AADACL4: variants seen among roughly 807,000 people sequenced by gnomAD.
AADACL4 encodes arylacetamide deacetylase-like 4.
AADACL4 carries 9 observed loss-of-function variants against 14.1 expected under a neutral mutation model. The ratio of observed to expected loss-of-function variants is 0.64; its 90% confidence interval spans 0.39 to 1.12. AADACL4 has a LOEUF of 1.12. AADACL4 is among the 50% of genes most tolerant of loss of function. The pLI, the probability that AADACL4 is intolerant of heterozygous loss-of-function variation, is 0.01. For synonymous variants in AADACL4, 188 were observed against 201.6 expected, an observed-to-expected ratio of 0.93 and a Z score of 0.57; for missense variants, 531 against 516.1, an observed-to-expected ratio of 1.03 and a Z score of -0.28.
chr1:12,646,915 C>A, intron 1 of AADACL4, among the ~76,000 whole-genome samples: 1 of 152,004 alleles, frequency 6.6e-6, no homozygotes, highest in East Asian at 1.9e-4. Flanking sequence ...GACAGATAGA[C>A]AACACAGGAA....
At chr1:12,659,147 A>G (rs901010496) in intron 2 of AADACL4, among the ~76,000 whole-genome samples, 3 of 152,178 alleles carry the variant, frequency 2.0e-5, no homozygotes, top group African/African-American at 7.2e-5. Flanking sequence ...CCCCGAGATT[A>G]GGATGTACTG....
chr1:12,646,355 GA>G, intron 1 of AADACL4, among the ~76,000 whole-genome samples: 1 of 152,332 alleles, frequency 6.6e-6, no homozygotes, highest in South Asian at 2.1e-4. Flanking sequence ...GATGTTTAGT[GA>G]ATTCGTAAAA....
chr1:12,657,553 G>C (rs1190231571), intron 2 of AADACL4, among the ~76,000 whole-genome samples: 4 of 152,196 alleles, frequency 2.6e-5, no homozygotes, highest in Non-Finnish European at 5.9e-5. Flanking sequence ...AAAGTACGGA[G>C]ATTTATTGCA....
intron 2 of AADACL4, among the ~76,000 whole-genome samples, chr1:12,657,372 T>G (rs1399066194): frequency 6.6e-6 from 1 of 152,028 alleles, no homozygotes; most frequent in African/African-American, 2.4e-5. Flanking sequence ...ACTTACCAAT[T>G]GCCAGTGGTT....
chr1:12,653,980 T>TG (rs1647165893), intron 2 of AADACL4, among the ~76,000 whole-genome samples: 1 of 152,124 alleles, frequency 6.6e-6, no homozygotes, highest in African/African-American at 2.4e-5. Flanking sequence ...TGCCAAGGGA[T>TG]TTACAAACAT....
At chr1:12,655,408 C>T (rs61777488) in intron 2 of AADACL4, among the ~76,000 whole-genome samples, 6 of 152,128 alleles carry the variant, frequency 3.9e-5, no homozygotes, top group African/African-American at 1.4e-4. Flanking sequence ...CAGGCCTCTT[C>T]AGTTCTCAGT....
chr1:12,650,561 T>C (rs1647138303), intron 1 of AADACL4, among the ~76,000 whole-genome samples: 3 of 148,828 alleles, frequency 2.0e-5, no homozygotes, highest in Non-Finnish European at 4.5e-5. Context: ...CGAGATGGAG[T>C]CTCTCTCTGT....
At chr1:12,665,905 G>C in intron 3 of AADACL4, 56 bp from the exon 4 acceptor site, 1 of 1,513,658 alleles carries the variant, frequency 6.6e-7, no homozygotes, top group Non-Finnish European at 8.9e-7. Flanking sequence ...TGTTGAAACA[G>C]CTCCCTAGCA....
Position 12,666,166 on chromosome 1 carries a change from G to T in AADACL4, c.655G>T (p.Val219Phe). 6.2e-7 allele frequency: 1 copy of T among 1,614,240 alleles called. No homozygotes were observed. Among genetic ancestry groups the T allele is most frequent in the Non-Finnish European group, 8.5e-7 (1 of 1,180,052 alleles). ...AGATCTTCCCCGGATCCGGGCTCAG[G>T]TTCTGATTTATCCAGTTGTCCAGGC... ...RSDLPRIRAQ[V>F]LIYPVVQAFC... is the part of the protein sequence containing the mutation. Residue 219 changes from valine (V) to phenylalanine (F), a missense_variant, in exon 4 of 4, where the codon GTT (valine) becomes TTT (phenylalanine). By Grantham distance (50) the Val-to-Phe change is conservative. Transcript: ENST00000376221.
intron 1 of AADACL4, among the ~76,000 whole-genome samples, chr1:12,645,813 G>A (rs935719548): frequency 1.3e-5 from 2 of 152,230 alleles, no homozygotes; most frequent in Non-Finnish European, 2.9e-5. Context: ...CAAAGTGTAG[G>A]GATTGCAGGT....
At chr1:12,647,197 G>A (rs772862395) in intron 1 of AADACL4, among the ~76,000 whole-genome samples, 3 of 151,112 alleles carry the variant, frequency 2.0e-5, no homozygotes, top group Non-Finnish European at 4.4e-5. Context: ...GGGTTCAAGT[G>A]ATCCTCCCAC....
chr1:12,655,090 A>G (rs977309834), intron 2 of AADACL4, among the ~76,000 whole-genome samples: 6 of 152,148 alleles, frequency 3.9e-5, no homozygotes, highest in Non-Finnish European at 8.8e-5. Context: ...CGCACATCCC[A>G]ACAAACAAAT....
rs1177092203 is a variant in AADACL4 at position 12,661,803 on chromosome 1, G to C, written c.398G>C (p.Gly133Ala). ...TTTTGTCTTGCAGATTGTTACCATG[G>C]CCTGTGCAATTATCTGGCCCGGGAG... ...TVFGSLDCYH[G>A]LCNYLARETE... Residue 133 changes from glycine (G) to alanine (A), a missense_variant, in exon 3 of 4, where the codon GGC (glycine) becomes GCC (alanine). Physicochemically the swap from Gly to Ala is moderately conservative, Grantham distance 60. Coordinates refer to ENST00000376221, the MANE Select transcript of AADACL4 (RefSeq NM_001013630.2). 1 of 1,614,146 alleles carries C rather than the reference G, an allele frequency of 6.2e-7. No individual in the cohort carries two copies. Among genetic ancestry groups the C allele is most frequent in the Non-Finnish European group, 8.5e-7 (1 of 1,180,032 alleles).
Position 12,666,840 on chromosome 1 carries a change from T to C in AADACL4, c.*105T>C. 1 of 1,199,926 alleles carries C rather than the reference T, an allele frequency of 8.3e-7. No homozygotes were observed. The highest frequency in any genetic ancestry group is 1.2e-6 in the Non-Finnish European group (1 of 863,520). The allele number at this position is 1,199,926 out of a possible 1,614,324, so 74.3% of individuals were successfully genotyped here. ...ATTGACTAAAGAGGTGCTACATCAATGCTTGGGGCAGCTGGGAAGGGTGAG... is the reference window on the plus strand; with the variant it reads ...ATTGACTAAAGAGGTGCTACATCAACGCTTGGGGCAGCTGGGAAGGGTGAG... On this transcript the variant is annotated 3_prime_UTR_variant, in exon 4 of 4. Transcript: ENST00000376221.
At chr1:12,665,223 T>G (rs1647296009) in intron 3 of AADACL4, among the ~76,000 whole-genome samples, 1 of 152,040 alleles carries the variant, frequency 6.6e-6, no homozygotes, top group Non-Finnish European at 1.5e-5. Flanking sequence ...ATTTTTGATT[T>G]TTTTTCGTTT....
chr1:12,658,067 CTCTTTCTTTCTT>C (rs140233824), intron 2 of AADACL4, among the ~76,000 whole-genome samples: 36 of 137,364 alleles, frequency 2.6e-4, no homozygotes, highest in Middle Eastern at 3.7e-3. Flanking sequence ...CTTTCTTTTT[CTCTTTCTTTCTT>C]TCTTTCTTTC....
In AADACL4 at chr1:12,644,522, A is replaced by G. The variant is rs773278787; in HGVS notation, c.-25A>G. Reference sequence around the variant, plus strand: ...AGCTATCAGACAAGCTCCTCAGGGCAGCAGCTCCTCAAGGCCCCAGGAACA... The same window carrying G: ...AGCTATCAGACAAGCTCCTCAGGGCGGCAGCTCCTCAAGGCCCCAGGAACA... On this transcript the variant is annotated 5_prime_UTR_variant, in exon 1 of 4. Transcript: ENST00000376221. The G allele has an allele frequency of 6.2e-7, 1 of 1,611,422 alleles. No homozygotes were observed. Among genetic ancestry groups the G allele is most frequent in the Admixed American group, 1.7e-5 (1 of 59,934 alleles).
At chr1:12,661,761 G>A (rs766728790) in intron 2 of AADACL4, 30 bp from the exon 3 acceptor site, 17 of 1,610,042 alleles carry the variant, frequency 1.1e-5, no homozygotes, top group African/African-American at 1.3e-5. Flanking sequence ...CTACTCATGC[G>A]CTGCTGCTCT....
intron 2 of AADACL4, among the ~76,000 whole-genome samples, chr1:12,654,337 G>T (rs1557549577): frequency 6.6e-6 from 1 of 152,222 alleles, no homozygotes; most frequent in Non-Finnish European, 1.5e-5. Context: ...TGCAGTCTTT[G>T]CCTGGCTTCT....
Sources: gnomAD v4.1 joint callset for allele counts (sites outside exome capture counted in the v4.1 genomes callset) on GRCh38, gnomAD v4.1.1 for gene constraint, MANE v1.5 for transcripts, NCBI Gene and HGNC (gene_info 2026-07-23, HGNC 2026-07-21) for gene names.